HERC2: variants seen among roughly 807,000 people sequenced by gnomAD.
The protein encoded by HERC2 is E3 ubiquitin-protein ligase HERC2.
HERC2 carries 102 observed loss-of-function variants against 537.7 expected under a neutral mutation model. The ratio of observed to expected loss-of-function variants is 0.19; its 90% CI spans 0.16 to 0.22. The LOEUF is 0.22. Ranked by LOEUF, HERC2 falls within the 10% of genes least tolerant of loss-of-function variation. The pLI is 1.00. For synonymous variants in HERC2, 2,224 were observed against 2,466.2 expected, an observed-to-expected ratio of 0.90 and a Z score of 2.91; for missense variants, 4,236 against 6,198.2, an observed-to-expected ratio of 0.68 and a Z score of 10.63.
chr15:28,174,311 A>C (rs1450607785), intron 65 of HERC2, 84 bp downstream of exon 65: 21 of 997,000 alleles, frequency 2.1e-5, no homozygotes, highest in Non-Finnish European at 2.9e-5. Context: ...TACAACCTCT[A>C]ATTGTGTTGG....
intron 71 of HERC2, 66 bp downstream of exon 71, chr15:28,146,171 G>A (rs950636645): frequency 8.4e-6 from 9 of 1,067,610 alleles, no homozygotes; most frequent in South Asian, 1.3e-5. Context: ...TCCTACAAAT[G>A]TGAAGGGTTG....
At chr15:28,297,114 G>A (rs1460346910) in intron 3 of HERC2, among the ~76,000 whole-genome samples, 1 of 152,240 alleles carries the variant, frequency 6.6e-6, no homozygotes, top group East Asian at 1.9e-4. Context: ...AAGCTTTGGT[G>A]TCTGAAAGTT....
At position 28,177,793 on chromosome 15, in the gene HERC2, C is replaced by T. The variant is rs1477082628; in HGVS notation, c.9164-284G>A. Among the ~76,000 whole-genome samples, 1 of 152,028 alleles carries T rather than the reference C, an allele frequency of 6.6e-6. No individual in the cohort carries two copies. On this transcript the variant is annotated intron_variant, in intron 59 of 92. Coordinates refer to ENST00000261609, the MANE Select transcript of HERC2 (RefSeq NM_004667.6). The surrounding 1 kb of genome is among the most constrained non-coding windows in gnomAD (Gnocchi z 5.0). ...AATGGGGTTCCTATTATGTTAAATA[C>T]ACGAAAAATCAAAATTTAGATGAAA... is the stretch of plus-strand genomic sequence containing the variant.
chr15:28,238,267 A>G, intron 24 of HERC2, 50 bp from the exon 25 acceptor site: 1 of 1,293,040 alleles, frequency 7.7e-7, no homozygotes, highest in Non-Finnish European at 1.1e-6. Flanking sequence ...GCTTGCCTGA[A>G]GAGATATAGG....
chr15:28,175,284 GA>G lies in HERC2; in HGVS notation c.9831+227del, dbSNP rs371671987. Among the ~76,000 whole-genome samples, 736 of 152,178 alleles carry G rather than the reference GA, an allele frequency of 4.8e-3. 7 individuals carry two copies. Among genetic ancestry groups the G allele is most frequent in the African/African-American group, 0.017 (694 of 41,514 alleles). ...CCACACACTTTTCACGTGGACTTCA[GA>G]GTGGGAACGCCTCTTTTCTGAGGAC... is the stretch of plus-strand genomic sequence containing the variant. On this transcript the variant is annotated intron_variant, in intron 64 of 92. Coordinates refer to ENST00000261609, the MANE Select transcript of HERC2 (RefSeq NM_004667.6).
rs773879974 is a variant in HERC2, at chr15:28,163,250, C to T, written c.10590G>A (p.Glu3530=). The change falls in exon 69 of 93, where the codon GAG becomes GAA. Residue 3530 remains glutamate, a synonymous_variant. Coordinates refer to ENST00000261609, the MANE Select transcript of HERC2 (RefSeq NM_004667.6). The part of the protein sequence containing the change: ...VESQNKAAGP[E]PQALDEFTSL... ...TGGTGAACTCATCCAAGGCCTGAGGCTCCGGACCTGCTGCTTTATTTTGGC... is the reference window on the plus strand; with the variant it reads ...TGGTGAACTCATCCAAGGCCTGAGGTTCCGGACCTGCTGCTTTATTTTGGC... The T allele has an allele frequency of 1.2e-6, 2 of 1,613,728 alleles. No individual in the cohort carries two copies. The highest frequency in any genetic ancestry group is 8.5e-7 in the Non-Finnish European group (1 of 1,180,010).
At chr15:28,306,312 A>G (rs929407603) in intron 2 of HERC2, among the ~76,000 whole-genome samples, 2 of 152,244 alleles carry the variant, frequency 1.3e-5, no homozygotes, top group African/African-American at 4.8e-5. Flanking sequence ...CCTTTTCAGC[A>G]TGAATTTAAA....
chr15:28,312,439 C>T (rs1310638653), intron 2 of HERC2, among the ~76,000 whole-genome samples: 6 of 152,398 alleles, frequency 3.9e-5, no homozygotes, highest in Middle Eastern at 3.4e-3. Context: ...TCAAGATCAG[C>T]CTGGGCAACA....
rs77829148 is a variant in HERC2, at chr15:28,268,065, T to G, written c.1598+400A>C. ...GAGTAGGATAATATTAGGAAGAAAC[T>G]GCTGACTTTTGTTCCTGTAAAAATA... On this transcript the variant is annotated intron_variant, in intron 12 of 92. Coordinates refer to ENST00000261609, the MANE Select transcript of HERC2 (RefSeq NM_004667.6). The surrounding 1 kb of genome is among the most constrained non-coding windows in gnomAD (Gnocchi z 4.7). 8.9e-3 allele frequency among the ~76,000 whole-genome samples: 1,352 copies of G among 152,328 alleles called. 24 individuals are homozygous for G. The highest frequency in any genetic ancestry group is 0.031 in the African/African-American group (1,292 of 41,580).
chr15:28,209,993 G>A (rs1227089954), intron 44 of HERC2, among the ~76,000 whole-genome samples: 1 of 115,602 alleles, frequency 8.7e-6, no homozygotes. Flanking sequence ...CTGTCGCCCA[G>A]GCTGGAGTGC....
chr15:28,268,700 C>A lies in HERC2; in HGVS notation c.1447-84G>T. ...TCAGCTCTCCGTTATCATGTATCCC[C>A]AAGCAAAGCCTGCTGTAACTCCAAG... is the stretch of plus-strand genomic sequence containing the variant. On this transcript the variant is annotated intron_variant, in intron 11 of 92. Coordinates refer to ENST00000261609, the MANE Select transcript of HERC2 (RefSeq NM_004667.6). The surrounding 1 kb of genome is among the most constrained non-coding windows in gnomAD (Gnocchi z 4.7). 1 of 1,160,160 alleles carries A rather than the reference C, an allele frequency of 8.6e-7. No homozygotes were observed. Among genetic ancestry groups the A allele is most frequent in the Non-Finnish European group, 1.2e-6 (1 of 809,596 alleles). 71.9% of individuals were successfully genotyped at this position (1,160,160 alleles called of 1,614,324 possible). A position where few individuals can be genotyped will look rare whatever the true frequency, so the allele number is the denominator to read the frequency against.
At chr15:28,149,806 A>G (rs1196916703) in intron 70 of HERC2, among the ~76,000 whole-genome samples, 1 of 152,168 alleles carries the variant, frequency 6.6e-6, no homozygotes, top group African/African-American at 2.4e-5. Flanking sequence ...CCGAAAAAAC[A>G]CACGTGACTT....
chr15:28,262,041 T>C (rs1429185700), intron 15 of HERC2, among the ~76,000 whole-genome samples: 1 of 152,168 alleles, frequency 6.6e-6, no homozygotes, highest in African/African-American at 2.4e-5. Flanking sequence ...AATCTGGTCC[T>C]TTAAGAAAAA....
chr15:28,220,359 A>G lies in HERC2; in HGVS notation c.5845+93T>C, dbSNP rs148211311. 3.6e-4 allele frequency: 411 copies of G among 1,145,502 alleles called. 2 individuals carry two copies. The African/African-American group carries it at 5.8e-3, about 16-fold the overall frequency. The allele number at this position is 1,145,502 out of a possible 1,614,324, so 71.0% of individuals were successfully genotyped here. A position where few individuals can be genotyped will look rare whatever the true frequency, so the allele number is the denominator to read the frequency against. On this transcript the variant is annotated intron_variant, in intron 37 of 92. Coordinates refer to ENST00000261609, the MANE Select transcript of HERC2 (RefSeq NM_004667.6). ...GCGCCAGCTGCAGGTGCGTCCTGAC[A>G]TCCCATTCTAAGGCCCAGATGACAG...
chr15:28,299,974 A>T (rs1025944819), intron 2 of HERC2, among the ~76,000 whole-genome samples: 3 of 150,822 alleles, frequency 2.0e-5, no homozygotes, highest in African/African-American at 7.3e-5. Context: ...AATTGCTTGA[A>T]CCCAGGAGGC....
At chr15:28,301,461 A>G (rs5017991) in intron 2 of HERC2, among the ~76,000 whole-genome samples, 1 of 151,684 alleles carries the variant, frequency 6.6e-6, no homozygotes, top group African/African-American at 2.4e-5. Flanking sequence ...GGGACTCCTG[A>G]CCAAATTTAT....
intron 5 of HERC2, among the ~76,000 whole-genome samples, chr15:28,279,622 C>G (rs943267025): frequency 6.7e-6 from 1 of 149,904 alleles, no homozygotes. Context: ...TCTCCACACA[C>G]ACACACACAC....
intron 78 of HERC2, 61 bp downstream of exon 78, chr15:28,141,371 C>T: frequency 6.8e-7 from 1 of 1,466,616 alleles, no homozygotes; most frequent in Non-Finnish European, 9.6e-7. Context: ...AACCACACAG[C>T]ACCTTTAGCC....
At chr15:28,237,759 G>A (rs866911007) in intron 25 of HERC2, among the ~76,000 whole-genome samples, 2 of 152,138 alleles carry the variant, frequency 1.3e-5, no homozygotes, top group African/African-American at 4.8e-5. Context: ...TATTTCTACT[G>A]TAAAGAATTA....
Sources: gnomAD v4.1 joint callset for allele counts (sites outside exome capture counted in the v4.1 genomes callset) on GRCh38, gnomAD v4.1.1 for gene constraint, Gnocchi (gnomAD v3.1) non-coding constraint, MANE v1.5 for transcripts, NCBI Gene and HGNC (gene_info 2026-07-23, HGNC 2026-07-21) for gene names.